Variants in PCDHA4 observed in about 807,000 individuals in gnomAD.
PCDHA4 encodes protocadherin alpha 4, also known as protocadherin alpha-4.
In PCDHA4, 49 loss-of-function variants were observed where a neutral mutation model predicts 61.4. The ratio of observed to expected loss-of-function variants is 0.80; its 90% CI spans 0.63 to 1.01. The LOEUF (loss-of-function observed/expected upper bound fraction) is 1.01. Among genes scored for constraint, PCDHA4 ranks in the 50% least tolerant of loss-of-function variants. The probability of loss-of-function intolerance (pLI) is 0.00; values close to 1 mark genes in which losing one functional copy is unlikely to be tolerated. For missense variants in PCDHA4, 1,254 were observed against 1,235.8 expected (o/e 1.01, Z -0.22); for synonymous variants, 590 against 550.3 (o/e 1.07, Z -1.01).
In PCDHA4 at chr5:140,808,736, G is replaced by A. The variant is rs1291582762; in HGVS notation, c.1549G>A (p.Val517Met). The change falls in exon 1 of 4, where the codon GTG becomes ATG. Residue 517 changes from valine to methionine, a missense_variant. Transcript: ENST00000530339. ...YVSVHAESGK[V>M]YALQPLDHEE... ...TTCGGTGCATGCGGAGAGCGGCAAG[G>A]TGTACGCGCTGCAGCCGCTGGACCA... 1 of 1,612,074 alleles carries A rather than the reference G, an allele frequency of 6.2e-7. No individual in the cohort carries two copies. The highest frequency in any genetic ancestry group is 8.5e-7 in the Non-Finnish European group (1 of 1,179,818).
At chr5:140,828,783 C>G (rs2150158892) in intron 1 of PCDHA4, 14 of 1,614,164 alleles carry the variant, frequency 8.7e-6, no homozygotes, top group Non-Finnish European at 1.1e-5. Context: ...CTGCTGGTCA[C>G]AGTGCTGGAT....
intron 1 of PCDHA4, chr5:140,836,599 T>A (rs1166723338): frequency 6.2e-7 from 1 of 1,613,608 alleles, no homozygotes; most frequent in Admixed American, 1.7e-5. Context: ...AAGCCCACTC[T>A]GGTGTGCTCC....
chr5:140,823,640 G>A lies in PCDHA4; in HGVS notation c.2385+14068G>A, dbSNP rs1326482790. ...CCTGGCAGTGCGCGCATCCCGTTCC[G>A]CGTGGGGCTGTACACAGGCGAGATC... On this transcript the variant is annotated intron_variant, in intron 1 of 3. Coordinates refer to ENST00000530339, the MANE Select transcript of PCDHA4 (RefSeq NM_018907.4). 20 of 1,613,876 alleles carry A rather than the reference G, an allele frequency of 1.2e-5. No individual in the cohort carries two copies. The highest frequency in any genetic ancestry group is 1.7e-5 in the Non-Finnish European group (20 of 1,179,952).
intron 3 of PCDHA4, among the ~76,000 whole-genome samples, chr5:140,993,075 G>A (rs531612224): frequency 1.3e-3 from 191 of 152,324 alleles, no homozygotes; most frequent in African/African-American, 4.5e-3. Flanking sequence ...CCTGCAGTCT[G>A]CAATCAGCAG....
intron 1 of PCDHA4, chr5:140,825,657 G>A (rs2150140571): frequency 6.6e-6 from 1 of 152,030 alleles, no homozygotes; most frequent in East Asian, 1.9e-4. Context: ...CCTAATCTCA[G>A]GTGATTTACC....
intron 1 of PCDHA4, chr5:140,969,386 C>T (rs782109093): frequency 2.5e-6 from 4 of 1,596,966 alleles, no homozygotes; most frequent in South Asian, 1.1e-5. Flanking sequence ...TACACATCCC[C>T]CAATATCCTG....
chr5:140,958,197 A>G (rs896064147), intron 1 of PCDHA4, among the ~76,000 whole-genome samples: 7 of 152,140 alleles, frequency 4.6e-5, no homozygotes, highest in Non-Finnish European at 1.0e-4. Context: ...CTGGTCTAGT[A>G]TACAAGGGAA....
chr5:140,902,465 T>C (rs535908878), intron 1 of PCDHA4, among the ~76,000 whole-genome samples: 4 of 152,280 alleles, frequency 2.6e-5, no homozygotes, highest in Non-Finnish European at 4.4e-5. Flanking sequence ...AGAAAAGGCT[T>C]TGAGTTTTTG....
intron 1 of PCDHA4, chr5:140,870,744 C>T (rs1432638683): frequency 6.2e-7 from 1 of 1,613,474 alleles, no homozygotes; most frequent in Non-Finnish European, 8.5e-7. Context: ...TGAGCAGCAA[C>T]GTGACGCTGC....
intron 1 of PCDHA4, chr5:140,843,500 C>T: frequency 1.3e-6 from 2 of 1,596,010 alleles, no homozygotes; most frequent in South Asian, 1.1e-5. Flanking sequence ...CTCAGCACTG[C>T]CCACTGAGGG....
intron 1 of PCDHA4, among the ~76,000 whole-genome samples, chr5:140,977,658 T>C (rs1332848343): frequency 6.6e-6 from 1 of 152,192 alleles, no homozygotes; most frequent in African/African-American, 2.4e-5. Context: ...TTTGGCTAAT[T>C]CTCTGCATGC....
chr5:140,869,928 A>T, intron 1 of PCDHA4: 1 of 1,611,724 alleles, frequency 6.2e-7, no homozygotes, highest in Non-Finnish European at 8.5e-7. Flanking sequence ...GAGTCAATGG[A>T]GAGGTAACAT....
At chr5:140,961,561 T>C (rs1554225472) in intron 1 of PCDHA4, among the ~76,000 whole-genome samples, 1 of 152,170 alleles carries the variant, frequency 6.6e-6, no homozygotes, top group African/African-American at 2.4e-5. Flanking sequence ...TTTTTTTAAA[T>C]TTTGTTTTGA....
In PCDHA4 at chr5:140,857,333, G is replaced by A. The variant is rs200210897; in HGVS notation, c.2385+47761G>A. 35 of 1,598,586 alleles carry A rather than the reference G, an allele frequency of 2.2e-5. 1 individual carries two copies. The highest frequency in any genetic ancestry group is 4.4e-5 in the South Asian group (4 of 90,524). On this transcript the variant is annotated intron_variant, in intron 1 of 3. Coordinates refer to ENST00000530339, the MANE Select transcript of PCDHA4 (RefSeq NM_018907.4). ...TGAGCTGGTGGTGACCGCGCGGGAC[G>A]GGGGCTCGCCTCCGCTGTGGGCCAC... is the stretch of plus-strand genomic sequence containing the variant.
intron 1 of PCDHA4, among the ~76,000 whole-genome samples, chr5:140,950,215 T>C (rs2094460409): frequency 6.6e-6 from 1 of 152,030 alleles, no homozygotes; most frequent in Non-Finnish European, 1.5e-5. Flanking sequence ...TACCTAGTCA[T>C]TTACCATTTC....
At position 140,836,458 on chromosome 5, in the gene PCDHA4, A is replaced by T. The variant is rs2150261468; in HGVS notation, c.2385+26886A>T. 14 of 1,613,642 alleles carry T rather than the reference A, an allele frequency of 8.7e-6. No homozygotes were observed. In the African/African-American group the frequency reaches 1.7e-4, roughly 20 times the overall value. On this transcript the variant is annotated intron_variant, in intron 1 of 3. Coordinates refer to ENST00000530339, the MANE Select transcript of PCDHA4 (RefSeq NM_018907.4). ...TTGGGCATTGCAGGCCCAGAGACCGAGCTGGTGGATGTCAACGTGTACCTG... is the reference window on the plus strand; with the variant it reads ...TTGGGCATTGCAGGCCCAGAGACCGTGCTGGTGGATGTCAACGTGTACCTG...
In PCDHA4 at chr5:140,828,877, C is replaced by T. The variant is rs2150160055; in HGVS notation, c.2385+19305C>T. 121 of 1,614,072 alleles carry T rather than the reference C, an allele frequency of 7.5e-5. 1 individual carries two copies. In the South Asian group the frequency reaches 1.2e-3, roughly 15 times the overall value. On this transcript the variant is annotated intron_variant, in intron 1 of 3. Coordinates refer to ENST00000530339, the MANE Select transcript of PCDHA4 (RefSeq NM_018907.4). ...ATGCAGACAACGGAACAACAGTTAT[C>T]AGACTGAATGCTTCTGATCGGGATG...
chr5:140,875,015 G>T (rs1479954206), intron 1 of PCDHA4, among the ~76,000 whole-genome samples: 3 of 152,170 alleles, frequency 2.0e-5, no homozygotes, highest in African/African-American at 7.2e-5. Flanking sequence ...TAAAGTGTAG[G>T]TTCTGGCCTA....
At chr5:140,977,978 G>A (rs1401757319) in intron 1 of PCDHA4, among the ~76,000 whole-genome samples, 2 of 152,048 alleles carry the variant, frequency 1.3e-5, no homozygotes, top group Non-Finnish European at 2.9e-5. Flanking sequence ...CCATGAAAAC[G>A]CATCTAGAGG....
Sources: allele counts gnomAD v4.1 joint callset (sites outside exome capture counted in the v4.1 genomes callset), GRCh38; gene constraint gnomAD v4.1.1; transcripts MANE v1.5; gene names NCBI Gene and HGNC (gene_info 2026-07-23, HGNC 2026-07-21).